Variants in NOXRED1 observed in about 807,000 individuals in gnomAD.
NOXRED1 encodes NADP-dependent oxidoreductase domain-containing protein 1.
In NOXRED1, 20 loss-of-function variants were observed where a neutral mutation model predicts 30.4. The ratio of observed to expected loss-of-function variants is 0.66; its 90% CI spans 0.46 to 0.96. The LOEUF is 0.96. Among genes scored for constraint, NOXRED1 ranks in the 40% least tolerant of loss-of-function variants. The probability of loss-of-function intolerance (pLI) is 0.00; values close to 1 mark genes in which losing one functional copy is unlikely to be tolerated. For missense variants in NOXRED1, 374 were observed against 428.0 expected, an observed-to-expected ratio of 0.87 and a Z score of 1.11; for synonymous variants, 155 against 168.0, an observed-to-expected ratio of 0.92 and a Z score of 0.60.
chr14:77,421,926 A>G (rs1418099979), intron 1 of NOXRED1, among the ~76,000 whole-genome samples: 1 of 152,188 alleles, frequency 6.6e-6, no homozygotes, highest in African/African-American at 2.4e-5. Flanking sequence ...AGTTTCATAT[A>G]TTGTTTTCTC....
At chr14:77,407,790 C>T (rs1217943898) in intron 2 of NOXRED1, 145 bp from the exon 3 acceptor site, 4 of 615,268 alleles carry the variant, frequency 6.5e-6, no homozygotes, top group Non-Finnish European at 1.1e-5. Flanking sequence ...TTCCTTCCTA[C>T]AGACCTTCTA....
intron 2 of NOXRED1, among the ~76,000 whole-genome samples, chr14:77,408,892 A>ATTTTTTTTTTTTTTTTTTATTTTTTTTTT (rs1894557805): frequency 5.9e-5 from 4 of 68,154 alleles, no homozygotes; most frequent in Non-Finnish European, 8.0e-5. Flanking sequence ...CTGGTAGTTA[A>ATTTTTTTTTTTTTTTTTTATTTTTTTTTT]TTTTTTTTTT....
chr14:77,423,992 C>T (rs967248956), upstream of NOXRED1, among the ~76,000 whole-genome samples: 1 of 152,208 alleles, frequency 6.6e-6, no homozygotes, highest in African/African-American at 2.4e-5. Context: ...CCCTATCCCT[C>T]CCCACCCTCA....
At chr14:77,408,546 A>G (rs939935564) in intron 2 of NOXRED1, among the ~76,000 whole-genome samples, 1 of 152,030 alleles carries the variant, frequency 6.6e-6, no homozygotes, top group Admixed American at 6.6e-5. Context: ...TTTTACTCCA[A>G]TGTACTGCAG....
intron 2 of NOXRED1, among the ~76,000 whole-genome samples, chr14:77,408,303 C>T (rs999781175): frequency 1.3e-5 from 2 of 152,132 alleles, no homozygotes; most frequent in African/African-American, 4.8e-5. Context: ...TCAAGGGATC[C>T]TCCCGCCTCA....
At chr14:77,395,787 G>A (rs141044617) in intron 5 of NOXRED1, among the ~76,000 whole-genome samples, 7 of 152,202 alleles carry the variant, frequency 4.6e-5, no homozygotes, top group African/African-American at 1.7e-4. Context: ...GGGCTACAGA[G>A]TGAGACCCCC....
chr14:77,400,153 C>G (rs1894290759), intron 5 of NOXRED1, among the ~76,000 whole-genome samples: 1 of 152,050 alleles, frequency 6.6e-6, no homozygotes, highest in African/African-American at 2.4e-5. Context: ...AAAGACTTTA[C>G]CAAACAAAAA....
At chr14:77,412,599 G>GC (rs140623542) in intron 2 of NOXRED1, among the ~76,000 whole-genome samples, 5,561 of 152,190 alleles carry the variant, frequency 0.037, 158 homozygotes, top group Non-Finnish European at 0.058. Flanking sequence ...TGCAAGCTCC[G>GC]CCTCCTGGGT....
At chr14:77,400,247 A>G (rs1246031909) in intron 5 of NOXRED1, among the ~76,000 whole-genome samples, 2 of 152,252 alleles carry the variant, frequency 1.3e-5, no homozygotes, top group Non-Finnish European at 2.9e-5. Context: ...TAGGTCAGAA[A>G]CACGGATCTA....
intron 2 of NOXRED1, among the ~76,000 whole-genome samples, chr14:77,409,061 C>A (rs1401005665): frequency 6.6e-6 from 1 of 151,900 alleles, no homozygotes; most frequent in Non-Finnish European, 1.5e-5. Context: ...TGTTCACTCA[C>A]ATCTGGTGGT....
intron 1 of NOXRED1, among the ~76,000 whole-genome samples, chr14:77,419,741 C>T (rs1894938798): frequency 6.6e-6 from 1 of 152,068 alleles, no homozygotes; most frequent in African/African-American, 2.4e-5. Context: ...AGCCACCACA[C>T]CTGACCAACA....
At chr14:77,422,697 T>C (rs8017215) in intron 1 of NOXRED1, 38 bp downstream of exon 1, 433,294 of 1,596,654 alleles carry the variant, frequency 0.27, 62,002 homozygotes, top group African/African-American at 0.41. Flanking sequence ...AGCAGTGAGA[T>C]TCTTGTCCAT....
chr14:77,406,580 C>G lies in NOXRED1; in HGVS notation c.682+144G>C, dbSNP rs559558570. The G allele has an allele frequency of 2.0e-4, 178 of 892,866 alleles. 1 individual carries two copies. In the East Asian group the frequency reaches 4.3e-3, roughly 21 times the overall value. 55.3% of individuals were successfully genotyped at this position (892,866 alleles called of 1,614,324 possible). A position where few individuals can be genotyped will look rare whatever the true frequency, so the allele number is the denominator to read the frequency against. Reference sequence around the variant, plus strand: ...CTTCCTAAGTAGCTCTCCTGCAGTACCTTGTGCCTTACACACACACACACA... The same window carrying G: ...CTTCCTAAGTAGCTCTCCTGCAGTAGCTTGTGCCTTACACACACACACACA... On this transcript the variant is annotated intron_variant, in intron 4 of 5. Transcript: ENST00000380835.
intron 5 of NOXRED1, among the ~76,000 whole-genome samples, chr14:77,399,946 C>T (rs940339602): frequency 6.6e-6 from 1 of 151,410 alleles, no homozygotes; most frequent in African/African-American, 2.4e-5. Context: ...TTTGAGACTA[C>T]AGAAAAACAA....
chr14:77,406,634 C>CACACAG (rs752577195), intron 4 of NOXRED1, 90 bp downstream of exon 4: 10 of 474,408 alleles, frequency 2.1e-5, no homozygotes, highest in South Asian at 1.7e-4. Flanking sequence ...CACACACACA[C>CACACAG]AGAGAGAGAG....
chr14:77,422,904 T>A lies in NOXRED1; in HGVS notation c.-15A>T. ...AGCATGTCCATTTCCAAGCCACTAT[T>A]TCCTGCAGTGATAGACACTAATCAA... On this transcript the variant is annotated 5_prime_UTR_variant, in exon 1 of 6. Coordinates refer to ENST00000380835, the MANE Select transcript of NOXRED1 (RefSeq NM_001113475.3). The A allele has an allele frequency of 6.2e-7, 1 of 1,607,658 alleles. No individual in the cohort carries two copies. The highest frequency in any genetic ancestry group is 8.5e-7 in the Non-Finnish European group (1 of 1,177,224).
rs553276130 is a variant in NOXRED1 at position 77,414,221 on chromosome 14, G to A, written c.156-94C>T. 5.5e-5 allele frequency: 44 copies of A among 803,710 alleles called. No individual in the cohort carries two copies. In the Middle Eastern group the frequency reaches 3.2e-3, roughly 59 times the overall value. The allele number at this position is 803,710 out of a possible 1,614,324, so 49.8% of individuals were successfully genotyped here. A position where few individuals can be genotyped will look rare whatever the true frequency, so the allele number is the denominator to read the frequency against. Reference sequence around the variant, plus strand: ...TTTTGAGACAGAGTCTTGCTTTGTCGCCCAGGTTAGAGTGCAATGGGGTGA... The same window carrying A: ...TTTTGAGACAGAGTCTTGCTTTGTCACCCAGGTTAGAGTGCAATGGGGTGA... On this transcript the variant is annotated intron_variant, in intron 1 of 5. Coordinates refer to ENST00000380835, the MANE Select transcript of NOXRED1 (RefSeq NM_001113475.3).
chr14:77,405,918 C>T lies in NOXRED1; in HGVS notation c.900G>A (p.Gln300=), dbSNP rs754766468. The T allele has an allele frequency of 1.9e-6, 3 of 1,606,184 alleles. No homozygotes were observed. The South Asian group carries it at 3.3e-5, about 18-fold the overall frequency. ...VSKAYGKNLS[Q]ERPFPWFDLT... ...CAGCTGTCCAATGCCCTTACCTTTCCTGAGACAAATTCTTGCCATAGGCTT... is the reference window on the plus strand; with the variant it reads ...CAGCTGTCCAATGCCCTTACCTTTCTTGAGACAAATTCTTGCCATAGGCTT... Residue 300 remains glutamine, a synonymous_variant, in exon 5 of 6, where the codon CAG becomes CAA. Transcript: ENST00000380835.
At chr14:77,416,678 C>T (rs1471313001) in intron 1 of NOXRED1, among the ~76,000 whole-genome samples, 1 of 152,224 alleles carries the variant, frequency 6.6e-6, no homozygotes, top group Non-Finnish European at 1.5e-5. Context: ...TCCACAAAAC[C>T]GCCATTGTCA....
Sources: gnomAD v4.1 joint callset for allele counts (sites outside exome capture counted in the v4.1 genomes callset) on GRCh38, gnomAD v4.1.1 for gene constraint, MANE v1.5 for transcripts, NCBI Gene and HGNC (gene_info 2026-07-23, HGNC 2026-07-21) for gene names.